The following NFIB variants were observed in gnomAD, a reference collection of about 807,000 sequenced individuals.
The protein encoded by NFIB is nuclear factor I B, also known as nuclear factor 1 B-type.
In NFIB, 11 loss-of-function variants were observed where a neutral mutation model predicts 61.5. The ratio of observed to expected loss-of-function variants is 0.18; its 90% CI spans 0.11 to 0.30. The LOEUF (loss-of-function observed/expected upper bound fraction) is 0.30, where lower values mean the gene tolerates loss of function less well. Ranked by LOEUF, NFIB falls within the 10% of genes least tolerant of loss-of-function variation. The pLI is 1.00. For missense variants in NFIB, 471 were observed against 608.9 expected (o/e 0.77, Z 2.38); for synonymous variants, 260 against 216.5 (o/e 1.20, Z -1.76).
chr9:14,335,773 C>T (rs2132859893), intron 1 of NFIB, among the ~76,000 whole-genome samples: 1 of 152,150 alleles, frequency 6.6e-6, no homozygotes, highest in East Asian at 1.9e-4. Flanking sequence ...GATTTTTTCC[C>T]TCTGTTTTCT....
chr9:14,145,545 G>A (rs545867462), intron 6 of NFIB, among the ~76,000 whole-genome samples: 79 of 152,076 alleles, frequency 5.2e-4, no homozygotes, highest in African/African-American at 1.9e-3. Flanking sequence ...AACTGTTAAG[G>A]CCCAGAGTTA....
the NFIB span, among the ~76,000 whole-genome samples, chr9:14,507,719 G>C: frequency 1.3e-5 from 2 of 152,106 alleles, no homozygotes; most frequent in African/African-American, 4.8e-5. Context: ...GGTTTTTTGA[G>C]GAGAGTGAGA....
intron 1 of NFIB, among the ~76,000 whole-genome samples, chr9:14,323,299 T>C (rs1408249338): frequency 6.6e-5 from 10 of 152,074 alleles, no homozygotes; most frequent in Non-Finnish European, 4.4e-5. Context: ...CTAGAGGAGA[T>C]TGGATAGTGA....
intron 6 of NFIB, among the ~76,000 whole-genome samples, chr9:14,137,929 T>A (rs1357525871): frequency 6.6e-6 from 1 of 152,112 alleles, no homozygotes; most frequent in African/African-American, 2.4e-5. Flanking sequence ...TGTGCATTCA[T>A]CTGTATTGAA....
At chr9:14,364,057 C>T (rs2061272098) in intron 1 of NFIB, among the ~76,000 whole-genome samples, 1 of 152,130 alleles carries the variant, frequency 6.6e-6, no homozygotes, top group Non-Finnish European at 1.5e-5. Flanking sequence ...GAGTCTTTCT[C>T]TACAGTGAAT....
chr9:14,160,104 A>G (rs1399893824), intron 3 of NFIB, among the ~76,000 whole-genome samples: 6 of 152,376 alleles, frequency 3.9e-5, no homozygotes, highest in South Asian at 4.1e-4. Flanking sequence ...CTGTATTTAC[A>G]CTACATGTGT....
In NFIB at chr9:14,267,110, T is replaced by A. The variant is rs1446211971; in HGVS notation, c.562+39879A>T. Among the ~76,000 whole-genome samples the A allele has an allele frequency of 2.0e-5, 3 of 152,230 alleles. No individual in the cohort carries two copies. The East Asian group carries it at 5.8e-4, about 29-fold the overall frequency. ...AGATGAAAAGAGGCATGCCAACTTA[T>A]CAGAAAAAGAAAATTTGTTTCCTGG... On this transcript the variant is annotated intron_variant, in intron 2 of 10. Coordinates refer to ENST00000380953, the MANE Select transcript of NFIB (RefSeq NM_001190737.2).
chr9:14,142,869 A>G (rs150480350), intron 6 of NFIB, among the ~76,000 whole-genome samples: 45 of 152,326 alleles, frequency 3.0e-4, no homozygotes, highest in African/African-American at 7.5e-4. Context: ...CTAAGCAAGG[A>G]GAAATATTCT....
chr9:14,129,348 TGCTAA>T (rs1289270876), intron 6 of NFIB, among the ~76,000 whole-genome samples: 2 of 143,502 alleles, frequency 1.4e-5, no homozygotes, highest in African/African-American at 5.2e-5. Context: ...GAAGGCACTA[TGCTAA>T]GAACTTAGGA....
chr9:14,350,611 G>A (rs2061096982), intron 1 of NFIB, among the ~76,000 whole-genome samples: 1 of 152,168 alleles, frequency 6.6e-6, no homozygotes, highest in African/African-American at 2.4e-5. Context: ...TCTTTAGGGA[G>A]GGACAACAGG....
intron 8 of NFIB, among the ~76,000 whole-genome samples, chr9:14,117,038 T>A (rs1416800645): frequency 1.3e-5 from 2 of 152,228 alleles, no homozygotes; most frequent in African/African-American, 4.8e-5. Flanking sequence ...TCAGAGGTCA[T>A]ACAATGATAT....
At chr9:14,183,912 A>G (rs1194135980) in intron 2 of NFIB, among the ~76,000 whole-genome samples, 1 of 152,170 alleles carries the variant, frequency 6.6e-6, no homozygotes, top group Non-Finnish European at 1.5e-5. Flanking sequence ...TCTAAAAAAA[A>G]AGTAATGAAG....
At chr9:14,158,243 T>G (rs2043694151) in intron 3 of NFIB, among the ~76,000 whole-genome samples, 1 of 152,134 alleles carries the variant, frequency 6.6e-6, no homozygotes, top group Non-Finnish European at 1.5e-5. Flanking sequence ...TGCCTACCCT[T>G]CATATCTTCC....
chr9:14,432,449 G>C, the NFIB span, among the ~76,000 whole-genome samples: 2 of 152,208 alleles, frequency 1.3e-5, no homozygotes, highest in South Asian at 2.1e-4. Flanking sequence ...TCTTTAGCTT[G>C]TGACCATTGA....
chr9:14,298,185 G>A (rs978594153), intron 2 of NFIB, among the ~76,000 whole-genome samples: 5 of 151,900 alleles, frequency 3.3e-5, no homozygotes, highest in Non-Finnish European at 7.4e-5. Context: ...CATTTGTAAA[G>A]AAAAAAATGT....
At chr9:14,504,623 T>C in the NFIB span, among the ~76,000 whole-genome samples, 50 of 152,332 alleles carry the variant, frequency 3.3e-4, no homozygotes, top group African/African-American at 1.2e-3. Context: ...CTTGATTTGA[T>C]TCTTAGCTTG....
intron 2 of NFIB, among the ~76,000 whole-genome samples, chr9:14,235,521 C>A (rs376932798): frequency 2.0e-4 from 31 of 152,292 alleles, no homozygotes; most frequent in African/African-American, 7.2e-4. Flanking sequence ...CATGGGCTAT[C>A]ATCTTGGTTT....
chr9:14,350,514 T>TG (rs35774336), intron 1 of NFIB, among the ~76,000 whole-genome samples: 34,892 of 139,766 alleles, frequency 0.25, 4,307 homozygotes, highest in Middle Eastern at 0.38. Flanking sequence ...CTGGGTGGGG[T>TG]GGGGGGGGAA....
intron 1 of NFIB, among the ~76,000 whole-genome samples, chr9:14,363,089 A>G: frequency 6.6e-6 from 1 of 152,128 alleles, no homozygotes; most frequent in East Asian, 1.9e-4. Flanking sequence ...CACTCTACAA[A>G]ATGGGGATCT....
Sources: gnomAD v4.1 joint callset for allele counts (sites outside exome capture counted in the v4.1 genomes callset) on GRCh38, gnomAD v4.1.1 for gene constraint, MANE v1.5 for transcripts, NCBI Gene and HGNC (gene_info 2026-07-23, HGNC 2026-07-21) for gene names.